Variants in CNTN3 observed in about 807,000 individuals in gnomAD.
CNTN3 encodes the protein contactin 3.
A neutral mutation model predicts 119.1 loss-of-function variants in CNTN3; 60 were observed. The ratio of observed to expected loss-of-function variants is 0.50; its 90% confidence interval spans 0.41 to 0.62. The LOEUF (loss-of-function observed/expected upper bound fraction) is 0.62, where lower values mean the gene tolerates loss of function less well. CNTN3 is among the 20% of genes least tolerant of loss of function. CNTN3 has a pLI of 0.00. For synonymous variants in CNTN3, 450 were observed against 438.7 expected, an observed-to-expected ratio of 1.03 and a Z score of -0.32; for missense variants, 1,101 against 1,242.4, an observed-to-expected ratio of 0.89 and a Z score of 1.71.
At chr3:74,558,531 A>C (rs1362743311) in intron 1 of CNTN3, among the ~76,000 whole-genome samples, 1 of 152,194 alleles carries the variant, frequency 6.6e-6, no homozygotes, top group Non-Finnish European at 1.5e-5. Flanking sequence ...TTAAGAATCA[A>C]ATGGGAAACA....
chr3:74,340,902 T>A (rs576291760), intron 11 of CNTN3, among the ~76,000 whole-genome samples: 9 of 152,282 alleles, frequency 5.9e-5, no homozygotes, highest in African/African-American at 2.2e-4. Context: ...TGCAATGAAT[T>A]AGTGTAACAG....
chr3:74,303,251 C>A (rs909210118), intron 13 of CNTN3, among the ~76,000 whole-genome samples: 1 of 152,042 alleles, frequency 6.6e-6, no homozygotes, highest in Non-Finnish European at 1.5e-5. Context: ...GCATGACAAG[C>A]GGATTACCAT....
chr3:74,301,870 G>A (rs1037313541), intron 14 of CNTN3, 65 bp from the exon 15 acceptor site: 17 of 1,545,388 alleles, frequency 1.1e-5, no homozygotes, highest in African/African-American at 1.4e-5. Context: ...TCCTATCAAA[G>A]AGAAGAGAAT....
chr3:74,332,352 A>G (rs1193356900), intron 13 of CNTN3, among the ~76,000 whole-genome samples: 4 of 152,240 alleles, frequency 2.6e-5, no homozygotes, highest in Admixed American at 6.5e-5. Context: ...TGATGGGAGA[A>G]TATTAAGTTA....
At chr3:74,468,963 C>T (rs980800597) in intron 4 of CNTN3, among the ~76,000 whole-genome samples, 2 of 151,914 alleles carry the variant, frequency 1.3e-5, no homozygotes, top group Non-Finnish European at 2.9e-5. Flanking sequence ...CAAGCATATT[C>T]TAAAGGCCAT....
intron 1 of CNTN3, among the ~76,000 whole-genome samples, chr3:74,594,746 G>A (rs530983558): frequency 1.8e-3 from 281 of 151,964 alleles, no homozygotes; most frequent in African/African-American, 2.8e-3. Flanking sequence ...GAATAGTGCC[G>A]CAATAAACAT....
intron 5 of CNTN3, among the ~76,000 whole-genome samples, chr3:74,375,119 A>G (rs1008761636): frequency 1.3e-5 from 2 of 152,204 alleles, no homozygotes; most frequent in African/African-American, 4.8e-5. Flanking sequence ...ATGTAACTGA[A>G]TAATCCAATG....
At chr3:74,447,082 G>A (rs1702062760) in intron 4 of CNTN3, among the ~76,000 whole-genome samples, 2 of 152,164 alleles carry the variant, frequency 1.3e-5, no homozygotes, top group Non-Finnish European at 2.9e-5. Flanking sequence ...GGTAAATGAG[G>A]AGCGCCTGAC....
chr3:74,366,991 T>C (rs1704210900), intron 8 of CNTN3, among the ~76,000 whole-genome samples: 1 of 143,388 alleles, frequency 7.0e-6, no homozygotes, highest in Non-Finnish European at 1.5e-5. Flanking sequence ...AAGCTTCCCA[T>C]AGTAATACTC....
intron 4 of CNTN3, among the ~76,000 whole-genome samples, chr3:74,450,123 C>G (rs1460907641): frequency 6.6e-6 from 1 of 151,984 alleles, no homozygotes; most frequent in African/African-American, 2.4e-5. Flanking sequence ...TTATAAAACA[C>G]AGTAGGCTTT....
At chr3:74,589,588 C>T (rs528531053) in intron 1 of CNTN3, among the ~76,000 whole-genome samples, 653 of 142,304 alleles carry the variant, frequency 4.6e-3, no homozygotes, top group Middle Eastern at 7.1e-3. Flanking sequence ...ACCATTTGAC[C>T]CAGCCATCCC....
intron 5 of CNTN3, among the ~76,000 whole-genome samples, chr3:74,372,344 C>T (rs1704361818): frequency 6.6e-6 from 1 of 152,002 alleles, no homozygotes; most frequent in Admixed American, 6.6e-5. Flanking sequence ...TTTTCTTGAA[C>T]TTTATGGCCA....
At chr3:74,577,222 G>A (rs1022106832) in intron 1 of CNTN3, among the ~76,000 whole-genome samples, 2 of 152,114 alleles carry the variant, frequency 1.3e-5, no homozygotes, top group African/African-American at 4.8e-5. Context: ...AATATCAAAT[G>A]AGTATCAAAT....
chr3:74,408,008 T>G (rs1362568296), intron 5 of CNTN3, among the ~76,000 whole-genome samples: 1 of 152,152 alleles, frequency 6.6e-6, no homozygotes, highest in Non-Finnish European at 1.5e-5. Flanking sequence ...AGTTAACCTT[T>G]CTTTGACCTG....
At chr3:74,505,419 AG>A (rs1703238491) in intron 2 of CNTN3, among the ~76,000 whole-genome samples, 1 of 151,952 alleles carries the variant, frequency 6.6e-6, no homozygotes, top group Non-Finnish European at 1.5e-5. Context: ...ACTGCGACCA[AG>A]TGGACACCAT....
intron 1 of CNTN3, among the ~76,000 whole-genome samples, chr3:74,553,346 T>C (rs988698631): frequency 6.6e-6 from 1 of 152,230 alleles, no homozygotes; most frequent in African/African-American, 2.4e-5. Flanking sequence ...TGATGGACAT[T>C]TGGGTTGGGT....
chr3:74,328,723 C>T (rs1431739370), intron 13 of CNTN3, among the ~76,000 whole-genome samples: 8 of 152,134 alleles, frequency 5.3e-5, no homozygotes, highest in Admixed American at 2.6e-4. Flanking sequence ...AATAACTACA[C>T]ATCAACAGTT....
At chr3:74,298,301 A>G in intron 17 of CNTN3, 110 bp from the exon 18 acceptor site, 1 of 647,342 alleles carries the variant, frequency 1.5e-6, no homozygotes, top group Non-Finnish European at 2.6e-6. Context: ...ATAATCATCT[A>G]CATTGTATTA....
At chr3:74,269,717 G>A (rs756999502) in intron 20 of CNTN3, among the ~76,000 whole-genome samples, 2 of 152,076 alleles carry the variant, frequency 1.3e-5, no homozygotes, top group Non-Finnish European at 2.9e-5. Context: ...CTATAACATG[G>A]ATGAACCTTG....
Sources: gnomAD v4.1 joint callset for allele counts (sites outside exome capture counted in the v4.1 genomes callset) on GRCh38, gnomAD v4.1.1 for gene constraint, MANE v1.5 for transcripts, NCBI Gene and HGNC (gene_info 2026-07-23, HGNC 2026-07-21) for gene names.